Variants in SKIL observed in about 807,000 individuals in gnomAD.
SKIL encodes ski-like protein.
A neutral mutation model predicts 69.6 loss-of-function variants in SKIL; 20 were observed. That is an observed-to-expected ratio of 0.29 (90% CI 0.20 to 0.42). The LOEUF is 0.42. Among genes scored for constraint, SKIL ranks in the 10% least tolerant of loss-of-function variants. The pLI, the probability that SKIL is intolerant of heterozygous loss-of-function variation, is 1.00. For synonymous variants in SKIL, 310 were observed against 279.9 expected, an observed-to-expected ratio of 1.11 and a Z score of -1.08; for missense variants, 745 against 783.1, an observed-to-expected ratio of 0.95 and a Z score of 0.58.
chr3:170,385,803 T>TC (rs1240530389), intron 4 of SKIL, among the ~76,000 whole-genome samples: 15 of 151,432 alleles, frequency 9.9e-5, no homozygotes, highest in East Asian at 9.7e-4. Flanking sequence ...TTTCTTTCTT[T>TC]TTTTTCTTTT....
chr3:170,390,491 C>T lies in SKIL; in HGVS notation c.1671+27C>T, dbSNP rs373040113. On this transcript the variant is annotated intron_variant, in intron 5 of 6. Transcript: ENST00000259119. ...TAAAATTGTTATCTAAATGATAGTC[C>T]ATTATGAAAAGATACTTTTGTATAT... The T allele has an allele frequency of 1.3e-4, 204 of 1,584,240 alleles. 1 individual carries two copies. The African/African-American group carries it at 2.6e-3, about 20-fold the overall frequency.
chr3:170,384,394 C>A (rs1737511989), intron 3 of SKIL, 139 bp from the exon 4 acceptor site: 3 of 535,628 alleles, frequency 5.6e-6, no homozygotes, highest in East Asian at 6.0e-5. Context: ...TTACTGTGAC[C>A]TTTATTTTCT....
intron 2 of SKIL, among the ~76,000 whole-genome samples, chr3:170,364,296 T>A: frequency 6.7e-6 from 1 of 148,966 alleles, no homozygotes; most frequent in East Asian, 2.0e-4. Flanking sequence ...ATTTGCCAGA[T>A]ATTGTTGCTC....
At chr3:170,377,703 C>A (rs1355232927) in intron 2 of SKIL, among the ~76,000 whole-genome samples, 3 of 149,928 alleles carry the variant, frequency 2.0e-5, no homozygotes. Context: ...CGCCTGCTGC[C>A]GCACCCGACT....
rs1199958070 is a variant in SKIL, at chr3:170,384,544, A to C, written c.1208A>C (p.Tyr403Ser). ...TTACTTGTTTTCAGCTACTACTTAT[A>C]CATGTGTGATAAAGTGGTTGCCCCA... ...HSFLHPSYYL[Y>S]MCDKVVAPNV... The change falls in exon 4 of 7, where the codon TAC (tyrosine) becomes TCC (serine). Residue 403 changes from tyrosine to serine, a missense_variant. Tyr to Ser is a moderately radical substitution (Grantham distance 144). Transcript: ENST00000259119. The C allele has an allele frequency of 6.4e-7, 1 of 1,557,910 alleles. No homozygotes were observed. The highest frequency in any genetic ancestry group is 1.7e-5 in the Admixed American group (1 of 58,136).
chr3:170,378,703 C>T (rs1737167866), intron 2 of SKIL, among the ~76,000 whole-genome samples: 1 of 151,788 alleles, frequency 6.6e-6, no homozygotes, highest in Non-Finnish European at 1.5e-5. Context: ...AGGCACTCAC[C>T]ACCATGTCCA....
intron 3 of SKIL, 148 bp from the exon 4 acceptor site, chr3:170,384,385 T>C: frequency 1.9e-6 from 1 of 533,676 alleles, no homozygotes; most frequent in Non-Finnish European, 3.3e-6. Context: ...AAGAATTCTT[T>C]ACTGTGACCT....
chr3:170,395,430 A>G lies in SKIL; in HGVS notation c.*3013A>G, dbSNP rs1738142401. The G allele has an allele frequency of 6.6e-6, 1 of 152,156 alleles. No homozygotes were observed. The highest frequency in any genetic ancestry group is 6.5e-5 in the Admixed American group (1 of 15,274). The allele number at this position is 152,156 out of a possible 1,614,324, so 9.4% of individuals were successfully genotyped here. Reference sequence around the variant, plus strand: ...TATTTAATATATTACCAGTTAAGATATAAAATCATTTGTACATAGCGAATT... The same window carrying G: ...TATTTAATATATTACCAGTTAAGATGTAAAATCATTTGTACATAGCGAATT... On this transcript the variant is annotated 3_prime_UTR_variant, in exon 7 of 7. Coordinates refer to ENST00000259119, the MANE Select transcript of SKIL (RefSeq NM_005414.5).
chr3:170,358,048 G>A (rs2108887256), intron 1 of SKIL, among the ~76,000 whole-genome samples: 1 of 152,176 alleles, frequency 6.6e-6, no homozygotes, highest in East Asian at 1.9e-4. Flanking sequence ...CGGGAGCCGC[G>A]GGGACCCCGG....
intron 4 of SKIL, among the ~76,000 whole-genome samples, chr3:170,385,687 T>G (rs184729465): frequency 5.7e-4 from 87 of 152,340 alleles, no homozygotes; most frequent in Non-Finnish European, 1.1e-3. Context: ...GCTTAGTGAT[T>G]AGGCAGTGTG....
intron 2 of SKIL, among the ~76,000 whole-genome samples, chr3:170,370,170 C>T (rs1260695803): frequency 1.3e-5 from 2 of 151,966 alleles, no homozygotes; most frequent in Admixed American, 6.6e-5. Flanking sequence ...ACCCGGGAGG[C>T]GGAGCTTGCA....
In SKIL at chr3:170,361,065, T is replaced by G. The variant is rs1433856855; in HGVS notation, c.734T>G (p.Val245Gly). 5 of 1,614,262 alleles carry G rather than the reference T, an allele frequency of 3.1e-6. No homozygotes were observed. Among genetic ancestry groups the G allele is most frequent in the Non-Finnish European group, 4.2e-6 (5 of 1,180,050 alleles). The change falls in exon 2 of 7, where the codon GTA becomes GGA. Residue 245 changes from valine (V) to glycine (G), a missense_variant. Val to Gly is a moderately radical substitution (Grantham distance 109). Coordinates refer to ENST00000259119, the MANE Select transcript of SKIL (RefSeq NM_005414.5). ...RPRTFPQNGS[V>G]LPAKSSLAQL... Reference sequence around the variant, plus strand: ...CGAACTTTTCCTCAAAATGGTAGCGTACTTCCTGCTAAAAGCTCATTGGCC... The same window carrying G: ...CGAACTTTTCCTCAAAATGGTAGCGGACTTCCTGCTAAAAGCTCATTGGCC...
chr3:170,361,742 CT>C (rs11321256), intron 2 of SKIL, among the ~76,000 whole-genome samples: 97,184 of 136,060 alleles, frequency 0.71, 34,830 homozygotes, highest in East Asian at 0.81. Flanking sequence ...GTTAGGGCTT[CT>C]TTTTTTTTTT....
At chr3:170,362,295 G>A (rs1736282081) in intron 2 of SKIL, among the ~76,000 whole-genome samples, 1 of 152,182 alleles carries the variant, frequency 6.6e-6, no homozygotes, top group South Asian at 2.1e-4. Flanking sequence ...CTGAGGTCAG[G>A]AGTTTGAGAC....
In SKIL at chr3:170,390,447, A is replaced by C. The variant is rs145818678; in HGVS notation, c.1654A>C (p.Lys552Gln). 42 of 1,610,084 alleles carry C rather than the reference A, an allele frequency of 2.6e-5. No individual in the cohort carries two copies. The highest frequency in any genetic ancestry group is 3.6e-5 in the Non-Finnish European group (42 of 1,176,642). ...QEKLNLILQKKQQLQMEVKML... is the reference protein window; with the variant it reads ...QEKLNLILQKQQQLQMEVKML... ...AAAACTAAACTTGATTTTGCAAAAGAAGCAACAACTTCAGATGGTAAAATT... is the reference window on the plus strand; with the variant it reads ...AAAACTAAACTTGATTTTGCAAAAGCAGCAACAACTTCAGATGGTAAAATT... Residue 552 changes from lysine to glutamine, a missense_variant, in exon 5 of 7, where the codon AAG (lysine) becomes CAG (glutamine). By Grantham distance (53) the Lys-to-Gln change is moderately conservative. Coordinates refer to ENST00000259119, the MANE Select transcript of SKIL (RefSeq NM_005414.5).
At chr3:170,383,344 T>G (rs2108217115) in intron 3 of SKIL, among the ~76,000 whole-genome samples, 1 of 152,314 alleles carries the variant, frequency 6.6e-6, no homozygotes, top group African/African-American at 2.4e-5. Flanking sequence ...TGGATGTTAT[T>G]AACAAAGGGG....
chr3:170,381,174 A>G, intron 2 of SKIL, 70 bp from the exon 3 acceptor site: 4 of 835,938 alleles, frequency 4.8e-6, no homozygotes, highest in Non-Finnish European at 8.4e-6. Flanking sequence ...TGGCCCAGTC[A>G]GGTTGACACA....
In SKIL at chr3:170,392,335, G is replaced by A. The variant is rs756630039; in HGVS notation, c.1973G>A (p.Arg658Gln). 32 of 1,612,850 alleles carry A rather than the reference G, an allele frequency of 2.0e-5. No individual in the cohort carries two copies. Among genetic ancestry groups the A allele is most frequent in the Middle Eastern group, 3.3e-4 (2 of 6,080 alleles). Reference protein sequence around the residue: ...QELQDELRQEREARQKLEMMI... With the variant: ...QELQDELRQEQEARQKLEMMI... ...CTCCAAGATGAACTCAGACAGGAAC[G>A]GGAAGCAAGACAGAAGTTAGAGATG... The change falls in exon 7 of 7, where the codon CGG becomes CAG. Residue 658 changes from arginine (R) to glutamine (Q), a missense_variant. Arg to Gln is a conservative substitution (Grantham distance 43, BLOSUM62 1). Coordinates refer to ENST00000259119, the MANE Select transcript of SKIL (RefSeq NM_005414.5).
intron 2 of SKIL, among the ~76,000 whole-genome samples, chr3:170,375,682 C>T (rs935963980): frequency 6.6e-6 from 1 of 152,176 alleles, no homozygotes; most frequent in African/African-American, 2.4e-5. Context: ...TCAACTGATT[C>T]TCCCACCTCA....
Sources: gnomAD v4.1 joint callset for allele counts (sites outside exome capture counted in the v4.1 genomes callset) on GRCh38, gnomAD v4.1.1 for gene constraint, MANE v1.5 for transcripts, NCBI Gene and HGNC (gene_info 2026-07-23, HGNC 2026-07-21) for gene names.